The following KCNN2 variants were observed in gnomAD, a reference collection of about 807,000 sequenced individuals.
The protein encoded by KCNN2 is small conductance calcium-activated potassium channel protein 2.
In KCNN2, 24 loss-of-function variants were observed where a neutral mutation model predicts 55.5. That is an observed-to-expected ratio of 0.43 (90% CI 0.31 to 0.61). The LOEUF (loss-of-function observed/expected upper bound fraction) is 0.61. Among genes scored for constraint, KCNN2 ranks in the 20% least tolerant of loss-of-function variants. The pLI is 0.08. For missense variants in KCNN2, 754 were observed against 853.6 expected (o/e 0.88, Z 1.45); for synonymous variants, 431 against 336.1 (o/e 1.28, Z -3.09).
chr5:114,087,161 G>A (rs983853406), intron 1 of KCNN2, among the ~76,000 whole-genome samples: 2 of 151,722 alleles, frequency 1.3e-5, no homozygotes, highest in Admixed American at 1.3e-4. Context: ...GTTCCTTGTA[G>A]ATTCTGGATA....
intron 2 of KCNN2, among the ~76,000 whole-genome samples, chr5:114,300,954 C>T (rs991623022): frequency 1.5e-4 from 23 of 152,070 alleles, no homozygotes; most frequent in South Asian, 6.2e-4. Flanking sequence ...TCCTTTAGAT[C>T]ATGGTGTAAA....
chr5:114,220,649 A>G (rs1024871451), intron 1 of KCNN2, among the ~76,000 whole-genome samples: 3 of 152,116 alleles, frequency 2.0e-5, no homozygotes, highest in East Asian at 1.9e-4. Context: ...ATTGAAAATT[A>G]TGGTCATTTT....
At chr5:114,323,327 T>G (rs1420804476) in intron 2 of KCNN2, among the ~76,000 whole-genome samples, 1 of 152,222 alleles carries the variant, frequency 6.6e-6, no homozygotes, top group Non-Finnish European at 1.5e-5. Context: ...TTGATGTCTC[T>G]GTGCCAGTGT....
At chr5:114,217,892 A>G (rs1450547845) in intron 1 of KCNN2, among the ~76,000 whole-genome samples, 3 of 152,182 alleles carry the variant, frequency 2.0e-5, no homozygotes, top group African/African-American at 7.2e-5. Flanking sequence ...AAGAACTTAA[A>G]ATTCAACAAT....
chr5:114,304,370 C>T (rs1756226647), intron 2 of KCNN2, among the ~76,000 whole-genome samples: 1 of 152,116 alleles, frequency 6.6e-6, no homozygotes, highest in Non-Finnish European at 1.5e-5. Context: ...GGCCTTTTGG[C>T]CCCACTCAGA....
At chr5:114,130,230 C>A (rs1327784696) in intron 1 of KCNN2, among the ~76,000 whole-genome samples, 1 of 152,048 alleles carries the variant, frequency 6.6e-6, no homozygotes, top group Non-Finnish European at 1.5e-5. Flanking sequence ...CTATTTCTTT[C>A]TGCTTTTCAG....
At chr5:114,259,180 G>C (rs1245471139) in intron 2 of KCNN2, among the ~76,000 whole-genome samples, 1 of 152,188 alleles carries the variant, frequency 6.6e-6, no homozygotes, top group Non-Finnish European at 1.5e-5. Context: ...TTTCAGGCTA[G>C]GAAAGCACGT....
intron 1 of KCNN2, among the ~76,000 whole-genome samples, chr5:114,162,935 C>G (rs1014608476): frequency 6.6e-6 from 1 of 152,162 alleles, no homozygotes; most frequent in Non-Finnish European, 1.5e-5. Flanking sequence ...GACTTCCCTG[C>G]CCCCTTGCAC....
chr5:114,372,607 A>C (rs1473660008), intron 2 of KCNN2, among the ~76,000 whole-genome samples: 1 of 152,126 alleles, frequency 6.6e-6, no homozygotes, highest in Non-Finnish European at 1.5e-5. Flanking sequence ...AGATTATAAA[A>C]TTAATAACTA....
At chr5:114,056,538 A>C (rs888947855) in intron 1 of KCNN2, 1 of 397,578 alleles carries the variant, frequency 2.5e-6, no homozygotes, top group Non-Finnish European at 4.4e-6. Context: ...CTAGGGCCAC[A>C]GATTTAATGG....
chr5:114,372,870 AT>A (rs1387423910), intron 2 of KCNN2, among the ~76,000 whole-genome samples: 2 of 152,098 alleles, frequency 1.3e-5, no homozygotes, highest in Non-Finnish European at 2.9e-5. Flanking sequence ...GATATAATCA[AT>A]TTTATTATTT....
At chr5:114,164,972 A>G (rs982222618) in intron 1 of KCNN2, among the ~76,000 whole-genome samples, 3 of 152,188 alleles carry the variant, frequency 2.0e-5, no homozygotes, top group African/African-American at 7.2e-5. Flanking sequence ...GGAAGGCACT[A>G]TTGTTTTACA....
intron 3 of KCNN2, among the ~76,000 whole-genome samples, chr5:114,414,680 C>A (rs1201700807): frequency 6.6e-6 from 1 of 152,038 alleles, no homozygotes; most frequent in Non-Finnish European, 1.5e-5. Context: ...AAAGTCAAAG[C>A]CATTTTGGGT....
At chr5:114,372,578 A>G (rs772663013) in intron 2 of KCNN2, among the ~76,000 whole-genome samples, 1 of 152,084 alleles carries the variant, frequency 6.6e-6, no homozygotes, top group Admixed American at 6.6e-5. Context: ...TACTCTTAAA[A>G]ATTTTATTTT....
intron 2 of KCNN2, among the ~76,000 whole-genome samples, chr5:114,281,736 A>G (rs1278467270): frequency 8.1e-6 from 1 of 123,230 alleles, no homozygotes; most frequent in Admixed American, 8.1e-5. Context: ...TTTTAAGCAT[A>G]TACTATGACC....
chr5:114,080,328 G>T (rs747565625), intron 1 of KCNN2, among the ~76,000 whole-genome samples: 1 of 152,108 alleles, frequency 6.6e-6, no homozygotes, highest in African/African-American at 2.4e-5. Context: ...AAAATGAGTT[G>T]GGAATTTTTT....
intron 2 of KCNN2, among the ~76,000 whole-genome samples, chr5:114,317,228 C>G (rs1327494696): frequency 2.6e-5 from 4 of 151,460 alleles, no homozygotes; most frequent in Non-Finnish European, 4.4e-5. Context: ...GCTTATTGAT[C>G]CAATTTTTTT....
At chr5:114,217,063 A>C (rs1364363196) in intron 1 of KCNN2, among the ~76,000 whole-genome samples, 1 of 152,116 alleles carries the variant, frequency 6.6e-6, no homozygotes, top group African/African-American at 2.4e-5. Context: ...AATATGTATA[A>C]GACTTGTATG....
chr5:114,193,306 T>C (rs908543517), intron 1 of KCNN2, among the ~76,000 whole-genome samples: 1 of 152,114 alleles, frequency 6.6e-6, no homozygotes, highest in Non-Finnish European at 1.5e-5. Flanking sequence ...TATGTTGTGC[T>C]CTAACATGAA....
Sources: allele counts gnomAD v4.1 joint callset (sites outside exome capture counted in the v4.1 genomes callset), GRCh38; gene constraint gnomAD v4.1.1; transcripts MANE v1.5; gene names NCBI Gene and HGNC (gene_info 2026-07-23, HGNC 2026-07-21).